KLF9: variants seen among roughly 807,000 people sequenced by gnomAD.
KLF9 encodes the protein Krueppel-like factor 9.
KLF9 carries 2 observed loss-of-function variants against 17.3 expected under a neutral mutation model. That is an observed-to-expected ratio of 0.12 (90% confidence interval 0.05 to 0.36). The LOEUF (loss-of-function observed/expected upper bound fraction) is 0.36. Among genes scored for constraint, KLF9 ranks in the 10% least tolerant of loss-of-function variants. The pLI is 1.00. For missense variants in KLF9, 226 were observed against 333.2 expected, an observed-to-expected ratio of 0.68 and a Z score of 2.51; for synonymous variants, 138 against 139.2, an observed-to-expected ratio of 0.99 and a Z score of 0.06.
rs773300948 is a variant in KLF9, at chr9:70,413,245, T to C, written c.119A>G (p.Glu40Gly). Residue 40 changes from glutamate (E) to glycine (G), a missense_variant, in exon 1 of 2, where the codon GAG becomes GGG. By Grantham distance (98) the Glu-to-Gly change is moderately conservative. Transcript: ENST00000377126. This position sits in a 1 kb window ranked among gnomAD's most constrained non-coding sequence, Gnocchi z 5.6. Reference sequence around the variant, plus strand: ...ACCGTGCTCCTTGGTCACCTCGCGCTCAGGTAGTCGCAGCCGCTCGGCGTC... The same window carrying C: ...ACCGTGCTCCTTGGTCACCTCGCGCCCAGGTAGTCGCAGCCGCTCGGCGTC... ...APDAERLRLP[E>G]REVTKEHGDP... is the part of the protein sequence containing the mutation. 6.2e-7 allele frequency: 1 copy of C among 1,613,826 alleles called. No individual in the cohort carries two copies. Among genetic ancestry groups the C allele is most frequent in the Non-Finnish European group, 8.5e-7 (1 of 1,179,996 alleles).
chr9:70,407,528 G>A (rs971118075), intron 1 of KLF9, among the ~76,000 whole-genome samples: 7 of 152,318 alleles, frequency 4.6e-5, no homozygotes, highest in East Asian at 1.9e-4. Context: ...GTTTTCTATC[G>A]TGAAACTGTA....
intron 1 of KLF9, among the ~76,000 whole-genome samples, chr9:70,411,813 A>G (rs567949673): frequency 1.3e-5 from 2 of 152,260 alleles, no homozygotes; most frequent in African/African-American, 4.8e-5. Flanking sequence ...ACAGAGGCAA[A>G]AGGCTTATCT....
At chr9:70,411,579 A>AGTTTC (rs1445489144) in intron 1 of KLF9, among the ~76,000 whole-genome samples, 1 of 152,190 alleles carries the variant, frequency 6.6e-6, no homozygotes, top group Non-Finnish European at 1.5e-5. Flanking sequence ...CACAAGAACA[A>AGTTTC]GTTTCCAAAG....
chr9:70,401,317 A>G (rs1250499548), intron 1 of KLF9, among the ~76,000 whole-genome samples: 1 of 152,096 alleles, frequency 6.6e-6, no homozygotes, highest in African/African-American at 2.4e-5. Context: ...ACTGCACTCC[A>G]GCCTGGGTGA....
Position 70,412,961 on chromosome 9 carries a change from C to T in KLF9, c.403G>A (p.Gly135Arg). The change falls in exon 1 of 2, where the codon GGG becomes AGG. Residue 135 changes from glycine to arginine, a missense_variant. Physicochemically the swap from Gly to Arg is moderately radical, Grantham distance 125. Coordinates refer to ENST00000377126, the MANE Select transcript of KLF9 (RefSeq NM_001206.4). ...SLLHPGVAAK[G>R]KHASEKRHKC... is the part of the protein sequence containing the mutation. ...TGCCTCTTTTCGGAGGCGTGTTTCC[C>T]CTTCGCAGCCACTCCAGGATGGAGG... The T allele has an allele frequency of 6.2e-7, 1 of 1,614,192 alleles. No individual in the cohort carries two copies. The highest frequency in any genetic ancestry group is 8.5e-7 in the Non-Finnish European group (1 of 1,180,042).
At chr9:70,399,646 C>A (rs1189223235) in intron 1 of KLF9, among the ~76,000 whole-genome samples, 1 of 152,182 alleles carries the variant, frequency 6.6e-6, no homozygotes, top group South Asian at 2.1e-4. Flanking sequence ...ACGCCCTGCA[C>A]AATAGTGTGT....
intron 1 of KLF9, among the ~76,000 whole-genome samples, chr9:70,402,079 C>T (rs1392748902): frequency 2.0e-5 from 3 of 151,426 alleles, no homozygotes; most frequent in African/African-American, 7.3e-5. Context: ...AAAAGAAATG[C>T]CTCAGGTTAG....
chr9:70,413,394 G>T lies in KLF9; in HGVS notation c.-31C>A. On this transcript the variant is annotated 5_prime_UTR_variant, in exon 1 of 2. Transcript: ENST00000377126. The surrounding 1 kb of genome is among the most constrained non-coding windows in gnomAD (Gnocchi z 5.6). ...GGGCGACGGCAGCCCAGGCGGCGCG[G>T]ACAAACTTGGCGGTGGCTGCGGAGG... The T allele has an allele frequency of 6.8e-7, 1 of 1,463,728 alleles. No individual in the cohort carries two copies. Among genetic ancestry groups the T allele is most frequent in the East Asian group, 2.5e-5 (1 of 40,084 alleles). The allele number at this position is 1,463,728 out of a possible 1,614,324, so 90.7% of individuals were successfully genotyped here. A position where few individuals can be genotyped will look rare whatever the true frequency, so the allele number is the denominator to read the frequency against.
In KLF9 at chr9:70,386,312, T is replaced by C. The variant is rs1423863277; in HGVS notation, c.*1464A>G. Reference sequence around the variant, plus strand: ...TTCAGGTAAATGGCATAGATGGATGTAGTGGTTTCAGCCATTATAGACACC... The same window carrying C: ...TTCAGGTAAATGGCATAGATGGATGCAGTGGTTTCAGCCATTATAGACACC... On this transcript the variant is annotated 3_prime_UTR_variant, in exon 2 of 2. Transcript: ENST00000377126. 6.5e-6 allele frequency: 1 copy of C among 152,690 alleles called. No individual in the cohort carries two copies. Among genetic ancestry groups the C allele is most frequent in the Non-Finnish European group, 1.5e-5 (1 of 68,042 alleles). The allele number at this position is 152,690 out of a possible 1,614,324, so 9.5% of individuals were successfully genotyped here.
rs1337730679 is a variant in KLF9, at chr9:70,413,370, G to C, written c.-7C>G. 3 of 1,506,176 alleles carry C rather than the reference G, an allele frequency of 2.0e-6. No individual in the cohort carries two copies. The Admixed American group carries it at 6.3e-5, about 31-fold the overall frequency. The allele number at this position is 1,506,176 out of a possible 1,614,324, so 93.3% of individuals were successfully genotyped here. ...TGTAGGCGGCCGCGGACATGGTGCGGGCGACGGCAGCCCAGGCGGCGCGGA... is the reference window on the plus strand; with the variant it reads ...TGTAGGCGGCCGCGGACATGGTGCGCGCGACGGCAGCCCAGGCGGCGCGGA... On this transcript the variant is annotated 5_prime_UTR_variant, in exon 1 of 2. Transcript: ENST00000377126. This position sits in a 1 kb window ranked among gnomAD's most constrained non-coding sequence, Gnocchi z 5.6.
At chr9:70,388,224 TA>T (rs2037127502) in intron 1 of KLF9, among the ~76,000 whole-genome samples, 1 of 152,158 alleles carries the variant, frequency 6.6e-6, no homozygotes, top group Non-Finnish European at 1.5e-5. Flanking sequence ...CAACTGATGT[TA>T]AACAAGTTCA....
intron 1 of KLF9, among the ~76,000 whole-genome samples, chr9:70,405,874 TC>T (rs2037252056): frequency 6.6e-6 from 1 of 152,246 alleles, no homozygotes; most frequent in Non-Finnish European, 1.5e-5. Flanking sequence ...AAATGTTTAC[TC>T]GTGGCCTTAA....
chr9:70,390,238 A>C (rs998714026), intron 1 of KLF9, among the ~76,000 whole-genome samples: 1 of 152,186 alleles, frequency 6.6e-6, no homozygotes, highest in Non-Finnish European at 1.5e-5. Context: ...TTGATTCTCT[A>C]TGTGCAGATC....
At chr9:70,392,115 G>A (rs1413292117) in intron 1 of KLF9, among the ~76,000 whole-genome samples, 2 of 152,228 alleles carry the variant, frequency 1.3e-5, no homozygotes, top group Non-Finnish European at 2.9e-5. Flanking sequence ...AACCCGAGGG[G>A]CGGAGGTTGT....
chr9:70,401,300 T>C (rs1280884902), intron 1 of KLF9, among the ~76,000 whole-genome samples: 1 of 152,036 alleles, frequency 6.6e-6, no homozygotes, highest in Non-Finnish European at 1.5e-5. Flanking sequence ...TAAGCCGTGA[T>C]TGCACCACTG....
At position 70,388,387 on chromosome 9, in the gene KLF9, T is replaced by TGC. The variant is rs891888617; in HGVS notation, c.506-384_506-383dup. On this transcript the variant is annotated intron_variant, in intron 1 of 1. Coordinates refer to ENST00000377126, the MANE Select transcript of KLF9 (RefSeq NM_001206.4). ...CCTCCAATGAAACGAACCCGTCCCC[T>TGC]GCCTCTACCTTGGACTCCCAGTCTC... Among the ~76,000 whole-genome samples the TGC allele has an allele frequency of 6.6e-5, 10 of 152,218 alleles. No individual in the cohort carries two copies. The South Asian group carries it at 1.0e-3, about 16-fold the overall frequency.
At position 70,413,272 on chromosome 9, in the gene KLF9, G is replaced by A. The variant is rs2037341441; in HGVS notation, c.92C>T (p.Pro31Leu). 6.2e-7 allele frequency: 1 copy of A among 1,613,082 alleles called. No homozygotes were observed. Among genetic ancestry groups the A allele is most frequent in the African/African-American group, 1.3e-5 (1 of 74,946 alleles). The change falls in exon 1 of 2, where the codon CCG (proline) becomes CTG (leucine). Residue 31 changes from proline to leucine, a missense_variant. By Grantham distance (98) the Pro-to-Leu change is moderately conservative (BLOSUM62 -3). Transcript: ENST00000377126. This position sits in a 1 kb window ranked among gnomAD's most constrained non-coding sequence, Gnocchi z 5.6. The part of the protein sequence containing the change: ...RAAVPEHGVA[P>L]DAERLRLPER... Reference sequence around the variant, plus strand: ...AGGTAGTCGCAGCCGCTCGGCGTCCGGAGCGACCCCATGCTCCGGCACCGC... The same window carrying A: ...AGGTAGTCGCAGCCGCTCGGCGTCCAGAGCGACCCCATGCTCCGGCACCGC...
intron 1 of KLF9, among the ~76,000 whole-genome samples, chr9:70,388,380 C>G (rs765526962): frequency 6.6e-6 from 1 of 152,084 alleles, no homozygotes; most frequent in Non-Finnish European, 1.5e-5. Context: ...GAAACGAACC[C>G]GTCCCCTGCC....
rs371509385 is a variant in KLF9, at chr9:70,387,462, A to AC, written c.*313_*314insG. The AC allele has an allele frequency of 0.016, 2,810 of 172,352 alleles. 99 individuals are homozygous for AC. The highest frequency in any genetic ancestry group is 0.066 in the African/African-American group (2,639 of 39,916). 10.7% of individuals were successfully genotyped at this position (172,352 alleles called of 1,614,324 possible). Reference sequence around the variant, plus strand: ...CCACTCCCTACCCTCCCCCGCAAAAAAATAAAAGGAGAAAAAAAAACAAAA... The same window carrying AC: ...CCACTCCCTACCCTCCCCCGCAAAAACAATAAAAGGAGAAAAAAAAACAAAA... On this transcript the variant is annotated 3_prime_UTR_variant, in exon 2 of 2. Coordinates refer to ENST00000377126, the MANE Select transcript of KLF9 (RefSeq NM_001206.4).
Sources: allele counts gnomAD v4.1 joint callset (sites outside exome capture counted in the v4.1 genomes callset), GRCh38; gene constraint gnomAD v4.1.1; non-coding constraint Gnocchi (gnomAD v3.1); transcripts MANE v1.5; gene names NCBI Gene and HGNC (gene_info 2026-07-23, HGNC 2026-07-21).